The following GRM1 variants were observed in gnomAD, a reference collection of about 807,000 sequenced individuals.
GRM1 encodes glutamate metabotropic receptor 1, also known as metabotropic glutamate receptor 1.
GRM1 carries 33 observed loss-of-function variants against 90.9 expected under a neutral mutation model. The observed-to-expected ratio is 0.36, with a 90% CI of 0.28 to 0.49. The LOEUF is 0.49. Among genes scored for constraint, GRM1 ranks in the 20% least tolerant of loss-of-function variants. The probability of loss-of-function intolerance (pLI) is 0.99; values close to 1 mark genes in which losing one functional copy is unlikely to be tolerated. For synonymous variants in GRM1, 700 were observed against 613.2 expected (o/e 1.14, Z -2.09); for missense variants, 1,190 against 1,534.3 (o/e 0.78, Z 3.75).
chr6:146,121,754 C>A (rs575136235), intron 1 of GRM1, among the ~76,000 whole-genome samples: 38 of 152,084 alleles, frequency 2.5e-4, no homozygotes, highest in African/African-American at 8.9e-4. Context: ...TTTTGAGTTT[C>A]TTAATCCTGA....
At position 146,168,526 on chromosome 6, in the gene GRM1, G is replaced by A. The variant is rs922044704; in HGVS notation, c.950+8929G>A. ...GAAAAATTAGCTTCTATATTTACCC[G>A]TATAAAAACTATTTATGACCTTCTT... On this transcript the variant is annotated intron_variant, in intron 2 of 7. Transcript: ENST00000282753. 1.1e-4 allele frequency among the ~76,000 whole-genome samples: 17 copies of A among 151,872 alleles called. No individual in the cohort carries two copies. In the South Asian group the frequency reaches 1.5e-3, roughly 13 times the overall value.
At chr6:146,211,543 T>A (rs1779687916) in intron 2 of GRM1, among the ~76,000 whole-genome samples, 1 of 152,162 alleles carries the variant, frequency 6.6e-6, no homozygotes, top group Non-Finnish European at 1.5e-5. Flanking sequence ...TTATATGACA[T>A]CCATTAGGGG....
intron 5 of GRM1, among the ~76,000 whole-genome samples, chr6:146,370,036 A>G (rs565974489): frequency 7.9e-5 from 12 of 152,160 alleles, no homozygotes; most frequent in South Asian, 4.1e-4. Flanking sequence ...TACAACTGTC[A>G]TATCCTCTTG....
At chr6:146,191,251 T>A (rs1337311652) in intron 2 of GRM1, among the ~76,000 whole-genome samples, 1 of 152,210 alleles carries the variant, frequency 6.6e-6, no homozygotes, top group Non-Finnish European at 1.5e-5. Flanking sequence ...GGTGTCTTGA[T>A]GGTCTGTGGA....
chr6:146,274,979 A>G (rs1782301173), intron 2 of GRM1, among the ~76,000 whole-genome samples: 2 of 152,138 alleles, frequency 1.3e-5, no homozygotes, highest in Admixed American at 1.3e-4. Context: ...GCAGGGAGCC[A>G]AGATCGTGCC....
At chr6:146,086,021 A>C (rs1314900895) in intron 1 of GRM1, among the ~76,000 whole-genome samples, 1 of 152,158 alleles carries the variant, frequency 6.6e-6, no homozygotes, top group Non-Finnish European at 1.5e-5. Flanking sequence ...TGCCAGCTAC[A>C]AAGACAATTC....
chr6:146,039,231 T>A (rs1402611087), intron 1 of GRM1, among the ~76,000 whole-genome samples: 2 of 152,000 alleles, frequency 1.3e-5, no homozygotes, highest in African/African-American at 4.8e-5. Flanking sequence ...ATTAGCTCCC[T>A]CTGGTCCAGG....
chr6:146,240,623 A>G (rs983341733), intron 2 of GRM1, among the ~76,000 whole-genome samples: 2 of 152,102 alleles, frequency 1.3e-5, no homozygotes, highest in Non-Finnish European at 2.9e-5. Context: ...TGCCCATCCA[A>G]AGCAATTCTA....
chr6:146,369,520 T>C (rs1350345434), intron 5 of GRM1, among the ~76,000 whole-genome samples: 1 of 151,884 alleles, frequency 6.6e-6, no homozygotes, highest in Non-Finnish European at 1.5e-5. Context: ...ATCTTGTGTT[T>C]CCACCTTTAT....
chr6:146,243,322 A>G (rs957474146), intron 2 of GRM1, among the ~76,000 whole-genome samples: 3 of 152,188 alleles, frequency 2.0e-5, no homozygotes, highest in African/African-American at 7.2e-5. Flanking sequence ...CTCAGTTCCT[A>G]AGTGGTACTC....
intron 2 of GRM1, among the ~76,000 whole-genome samples, chr6:146,290,721 T>C (rs958924994): frequency 1.3e-5 from 2 of 152,200 alleles, no homozygotes; most frequent in African/African-American, 4.8e-5. Context: ...TAATTTGTTT[T>C]CTAATTTCAC....
At chr6:146,038,448 T>C (rs1381275596) in intron 1 of GRM1, among the ~76,000 whole-genome samples, 1 of 152,004 alleles carries the variant, frequency 6.6e-6, no homozygotes, top group African/African-American at 2.4e-5. Context: ...GCAACAGTGC[T>C]CCATATAGGG....
At chr6:146,214,997 C>A (rs1779820369) in intron 2 of GRM1, among the ~76,000 whole-genome samples, 1 of 152,166 alleles carries the variant, frequency 6.6e-6, no homozygotes. Flanking sequence ...ACTCTGCTAA[C>A]CCAGAAATAC....
At chr6:146,237,159 C>T (rs1780677584) in intron 2 of GRM1, among the ~76,000 whole-genome samples, 1 of 151,844 alleles carries the variant, frequency 6.6e-6, no homozygotes, top group Admixed American at 6.6e-5. Flanking sequence ...GATTCAAGAA[C>T]CATTGTGATT....
At chr6:146,169,786 CAGTT>C (rs1778035122) in intron 2 of GRM1, among the ~76,000 whole-genome samples, 1 of 152,140 alleles carries the variant, frequency 6.6e-6, no homozygotes, top group African/African-American at 2.4e-5. Flanking sequence ...TGTCTGATAA[CAGTT>C]GGTTCATATA....
intron 2 of GRM1, among the ~76,000 whole-genome samples, chr6:146,238,730 A>G (rs1389348534): frequency 1.3e-5 from 2 of 151,976 alleles, no homozygotes; most frequent in Non-Finnish European, 2.9e-5. Context: ...TGTGCTTGGG[A>G]GATGCTCTGT....
chr6:146,101,071 T>C (rs564778527), intron 1 of GRM1, among the ~76,000 whole-genome samples: 1 of 152,184 alleles, frequency 6.6e-6, no homozygotes, highest in Non-Finnish European at 1.5e-5. Context: ...CTAGCCTGAA[T>C]GACAAAGTGA....
chr6:146,087,198 G>T (rs1043759867), intron 1 of GRM1, among the ~76,000 whole-genome samples: 5 of 152,142 alleles, frequency 3.3e-5, no homozygotes, highest in Middle Eastern at 6.8e-3. Context: ...AATGAGTAAG[G>T]TTCTTTCATC....
At chr6:146,133,857 T>A (rs1226972429) in intron 1 of GRM1, among the ~76,000 whole-genome samples, 1 of 152,238 alleles carries the variant, frequency 6.6e-6, no homozygotes, top group African/African-American at 2.4e-5. Flanking sequence ...TTACCTCTCC[T>A]AGGATCATTT....
Sources: gnomAD v4.1 joint callset for allele counts (sites outside exome capture counted in the v4.1 genomes callset) on GRCh38, gnomAD v4.1.1 for gene constraint, MANE v1.5 for transcripts, NCBI Gene and HGNC (gene_info 2026-07-23, HGNC 2026-07-21) for gene names.